Variants in GABRA3 observed in about 807,000 individuals in gnomAD.
GABRA3 encodes the protein gamma-aminobutyric acid type A receptor subunit alpha3.
A neutral mutation model predicts 30.1 loss-of-function variants in GABRA3; 10 were observed. The observed-to-expected ratio is 0.33, with a 90% confidence interval of 0.20 to 0.56. The LOEUF (loss-of-function observed/expected upper bound fraction) is 0.56. Among genes scored for constraint, GABRA3 ranks in the 20% least tolerant of loss-of-function variants. The pLI, the probability that GABRA3 is intolerant of heterozygous loss-of-function variation, is 0.89. For synonymous variants in GABRA3, 151 were observed against 146.8 expected, an observed-to-expected ratio of 1.03 and a Z score of -0.21; for missense variants, 233 against 392.0, an observed-to-expected ratio of 0.59 and a Z score of 3.42.
chrX:152,323,396 G>C (rs989670815), intron 3 of GABRA3, among the ~76,000 whole-genome samples: 8 of 111,562 alleles, frequency 7.2e-5, no homozygotes, highest in African/African-American at 2.6e-4. Flanking sequence ...TCTATTCCTT[G>C]AACGGGAAAG....
chrX:152,274,414 G>A (rs1046824398), intron 4 of GABRA3, among the ~76,000 whole-genome samples: 15 of 109,530 alleles, frequency 1.4e-4, no homozygotes, highest in Admixed American at 7.9e-4. Flanking sequence ...AAATGACCAC[G>A]TGCTAAGACA....
chrX:152,220,187 T>C (rs186801570), intron 6 of GABRA3, among the ~76,000 whole-genome samples: 42 of 111,958 alleles, frequency 3.8e-4, no homozygotes, highest in African/African-American at 1.4e-3. Flanking sequence ...CAACTTCTTG[T>C]TCCTGAATCC....
chrX:152,191,777 C>G (rs1937327674), intron 8 of GABRA3, among the ~76,000 whole-genome samples: 2 of 110,755 alleles, frequency 1.8e-5, no homozygotes, highest in South Asian at 3.8e-4. Flanking sequence ...ACAATTTCAA[C>G]AGAAATACCC....
At chrX:152,379,088 T>C (rs1446976636) in intron 1 of GABRA3, among the ~76,000 whole-genome samples, 1 of 111,503 alleles carries the variant, frequency 9.0e-6, no homozygotes, top group African/African-American at 3.3e-5. Context: ...ATACAGAAGA[T>C]TTGAACAAGA....
At chrX:152,197,432 A>G (rs1443809891) in intron 8 of GABRA3, among the ~76,000 whole-genome samples, 1 of 111,317 alleles carries the variant, frequency 9.0e-6, no homozygotes, top group Non-Finnish European at 1.9e-5. Flanking sequence ...TCAGTATCTT[A>G]CTGGTCCAAC....
intron 1 of GABRA3, among the ~76,000 whole-genome samples, chrX:152,373,125 T>A (rs1047122911): frequency 1.1e-4 from 12 of 112,019 alleles, no homozygotes; most frequent in Admixed American, 6.6e-4. Context: ...CTGTATACTA[T>A]TTTTTCTTCA....
intron 6 of GABRA3, among the ~76,000 whole-genome samples, chrX:152,212,430 G>A (rs1003744296): frequency 1.9e-5 from 2 of 107,837 alleles, no homozygotes; most frequent in African/African-American, 6.8e-5. Context: ...GGGAAAGTGG[G>A]AACCTCTGTT....
chrX:152,322,844 CTTTTTTTTTTTTTT>C (rs1172827692), intron 3 of GABRA3, among the ~76,000 whole-genome samples: 1 of 61,261 alleles, frequency 1.6e-5, no homozygotes, highest in East Asian at 5.0e-4. Context: ...AAAGTCTACT[CTTTTTTTTTTTTTT>C]TTTTTTTTTT....
At chrX:152,437,637 T>C (rs1398895918) in intron 1 of GABRA3, among the ~76,000 whole-genome samples, 1 of 111,714 alleles carries the variant, frequency 9.0e-6, no homozygotes, top group Non-Finnish European at 1.9e-5. Flanking sequence ...AACAAGGCAG[T>C]GTAGTGCTGG....
intron 6 of GABRA3, among the ~76,000 whole-genome samples, chrX:152,223,507 A>C (rs779485279): frequency 5.2e-4 from 58 of 110,714 alleles, no homozygotes; most frequent in Middle Eastern, 4.6e-3. Context: ...ACTTTAGATT[A>C]CCTGGCCCCC....
Position 152,224,751 on chromosome X carries a change from G to GAA in GABRA3, c.634+10_634+11dup, listed in dbSNP as rs1937906508. ...AAAAAAAAAGACAGAGAGAGAGAGA[G>GAA]AAAATACATACAGCTTCCAAACTTC... On this transcript the variant is annotated intron_variant, in intron 6 of 9. Coordinates refer to ENST00000370314, the MANE Select transcript of GABRA3 (RefSeq NM_000808.4). The GAA allele has an allele frequency of 4.4e-6, 5 of 1,138,558 alleles. No homozygotes were observed. Among genetic ancestry groups the GAA allele is most frequent in the African/African-American group, 1.8e-5 (1 of 55,879 alleles). 93.8% of individuals were successfully genotyped at this position (1,138,558 alleles called of 1,213,427 possible).
intron 3 of GABRA3, among the ~76,000 whole-genome samples, chrX:152,342,920 G>T (rs1408671577): frequency 9.0e-6 from 1 of 111,397 alleles, no homozygotes; most frequent in Admixed American, 9.6e-5. Context: ...GAAAACACAA[G>T]TTATTCCAAA....
intron 4 of GABRA3, among the ~76,000 whole-genome samples, chrX:152,272,384 G>A (rs757132232): frequency 2.7e-5 from 3 of 112,418 alleles, no homozygotes; most frequent in Admixed American, 1.9e-4. Context: ...TTTTGGACAC[G>A]CATGGGGCCT....
At chrX:152,342,455 T>C (rs1940329324) in intron 3 of GABRA3, among the ~76,000 whole-genome samples, 1 of 111,746 alleles carries the variant, frequency 8.9e-6, no homozygotes, top group Admixed American at 9.5e-5. Flanking sequence ...GATTTCCATT[T>C]CATTTTTCAG....
intron 1 of GABRA3, among the ~76,000 whole-genome samples, chrX:152,364,830 T>C (rs1468006094): frequency 9.0e-6 from 1 of 111,125 alleles, no homozygotes; most frequent in Non-Finnish European, 1.9e-5. Context: ...CCAGAGCCCA[T>C]CCAAGAAAGG....
rs192631211 is a variant in GABRA3, at chrX:152,219,811, C to T, written c.634+4952G>A. ...TTATATGTATAGTATACTACACACACAGTATTCTAAATGCATAAAGCACTA... is the reference window on the plus strand; with the variant it reads ...TTATATGTATAGTATACTACACACATAGTATTCTAAATGCATAAAGCACTA... On this transcript the variant is annotated intron_variant, in intron 6 of 9. Coordinates refer to ENST00000370314, the MANE Select transcript of GABRA3 (RefSeq NM_000808.4). Among the ~76,000 whole-genome samples, 124 of 107,622 alleles carry T rather than the reference C, an allele frequency of 1.2e-3. 1 individual carries two copies. The Middle Eastern group carries it at 0.019, about 17-fold the overall frequency. The allele number at this position is 107,622 out of a possible 115,157, so 93.5% of individuals were successfully genotyped here. A position where few individuals can be genotyped will look rare whatever the true frequency, so the allele number is the denominator to read the frequency against.
intron 3 of GABRA3, among the ~76,000 whole-genome samples, chrX:152,329,434 C>A (rs942998367): frequency 9.0e-6 from 1 of 111,359 alleles, no homozygotes; most frequent in East Asian, 2.8e-4. Context: ...TCATGCTACC[C>A]GACTTCAAAT....
At chrX:152,419,861 T>A (rs1930329982) in intron 1 of GABRA3, among the ~76,000 whole-genome samples, 1 of 111,541 alleles carries the variant, frequency 9.0e-6, no homozygotes. Flanking sequence ...GGTGCAAAAA[T>A]TTTAAAACTC....
At chrX:152,234,644 TG>T (rs1419673349) in intron 5 of GABRA3, among the ~76,000 whole-genome samples, 2 of 111,531 alleles carry the variant, frequency 1.8e-5, no homozygotes, top group South Asian at 3.8e-4. Context: ...AGTAAATTTT[TG>T]TATATGGTAA....
Sources: gnomAD v4.1 joint callset for allele counts (sites outside exome capture counted in the v4.1 genomes callset) on GRCh38, gnomAD v4.1.1 for gene constraint, MANE v1.5 for transcripts, NCBI Gene and HGNC (gene_info 2026-07-23, HGNC 2026-07-21) for gene names.